MAP3K15: variants seen among roughly 807,000 people sequenced by gnomAD.
The protein encoded by MAP3K15 is MAPK/ERK kinase kinase 15.
A neutral mutation model predicts 99.5 loss-of-function variants in MAP3K15; 124 were observed. That is an observed-to-expected ratio of 1.25 (90% CI 1.08 to 1.45). The LOEUF (loss-of-function observed/expected upper bound fraction) is 1.45. Among genes scored for constraint, MAP3K15 ranks in the 40% most tolerant of loss-of-function variants. MAP3K15 has a pLI of 0.00. For missense variants in MAP3K15, 1,242 were observed against 1,079.7 expected (o/e 1.15, Z -2.11); for synonymous variants, 494 against 439.6 (o/e 1.12, Z -1.55).
chrX:19,403,100 A>T (rs2063620586), intron 13 of MAP3K15, among the ~76,000 whole-genome samples: 1 of 111,869 alleles, frequency 8.9e-6, no homozygotes, highest in African/African-American at 3.2e-5. Context: ...GAGGGAGTTT[A>T]ATGACTGTGA....
chrX:19,501,827 A>T (rs2064442622), intron 1 of MAP3K15, among the ~76,000 whole-genome samples: 1 of 111,964 alleles, frequency 8.9e-6, no homozygotes, highest in Non-Finnish European at 1.9e-5. Context: ...GCACTTTGGG[A>T]GGCTGAGGCA....
intron 9 of MAP3K15, among the ~76,000 whole-genome samples, chrX:19,421,862 C>T (rs1381611099): frequency 9.1e-6 from 1 of 109,511 alleles, no homozygotes; most frequent in Non-Finnish European, 1.9e-5. Flanking sequence ...ACAGAGCCCT[C>T]AGAAATAATG....
chrX:19,404,998 G>T (rs1225954111), intron 13 of MAP3K15, among the ~76,000 whole-genome samples: 2 of 111,221 alleles, frequency 1.8e-5, no homozygotes, highest in Non-Finnish European at 3.8e-5. Context: ...AATGACAAAA[G>T]AAATAAATAG....
chrX:19,414,601 A>G (rs1167898078), intron 10 of MAP3K15, among the ~76,000 whole-genome samples: 1 of 112,730 alleles, frequency 8.9e-6, no homozygotes, highest in East Asian at 2.8e-4. Flanking sequence ...ACTTTTAAAT[A>G]TCAATTAGTG....
At chrX:19,375,161 T>C (rs890868076) in intron 19 of MAP3K15, among the ~76,000 whole-genome samples, 1 of 112,381 alleles carries the variant, frequency 8.9e-6, no homozygotes, top group African/African-American at 3.2e-5. Flanking sequence ...GAAAAAGTCA[T>C]CGTTTTAAGC....
intron 13 of MAP3K15, among the ~76,000 whole-genome samples, chrX:19,405,779 ACCATATG>A (rs1434567006): frequency 8.9e-6 from 1 of 112,398 alleles, no homozygotes; most frequent in African/African-American, 3.2e-5. Context: ...AGAAAAAATA[ACCATATG>A]CATAGAGCGA....
At chrX:19,460,319 C>A (rs757668324) in intron 4 of MAP3K15, among the ~76,000 whole-genome samples, 166 bp from the exon 5 acceptor site, 1 of 111,584 alleles carries the variant, frequency 9.0e-6, no homozygotes, top group South Asian at 3.8e-4. Context: ...TCTACTTATT[C>A]ACATTTTATA....
chrX:19,413,172 C>CCA (rs1455714815), intron 11 of MAP3K15, among the ~76,000 whole-genome samples, 185 bp downstream of exon 11: 1 of 107,122 alleles, frequency 9.3e-6, no homozygotes, highest in Non-Finnish European at 1.9e-5. Context: ...CACCACATGC[C>CCA]CACACACACA....
intron 1 of MAP3K15, among the ~76,000 whole-genome samples, chrX:19,496,102 T>C (rs2064400097): frequency 9.5e-6 from 1 of 104,871 alleles, no homozygotes; most frequent in Non-Finnish European, 2.0e-5. Context: ...AGTCTTGCTC[T>C]GTTGCCCAGG....
chrX:19,476,006 C>G (rs1330386453), intron 3 of MAP3K15, among the ~76,000 whole-genome samples: 1 of 112,023 alleles, frequency 8.9e-6, no homozygotes, highest in Non-Finnish European at 1.9e-5. Context: ...TTATGGCTCA[C>G]AGCAGGTGGC....
At chrX:19,369,367 G>C (rs1466821266) in intron 24 of MAP3K15, 148 bp from the exon 25 acceptor site, 1 of 580,686 alleles carries the variant, frequency 1.7e-6, no homozygotes, top group Non-Finnish European at 2.7e-6. Context: ...TTTACAAATG[G>C]AGAAGAGACT....
At chrX:19,447,892 A>AAAAAAAAG (rs1325637101) in intron 6 of MAP3K15, among the ~76,000 whole-genome samples, 2 of 93,983 alleles carry the variant, frequency 2.1e-5, no homozygotes, top group Admixed American at 1.2e-4. Flanking sequence ...TCAAAAAAAA[A>AAAAAAAAG]AAAAAAAAAA....
Position 19,379,070 on chromosome X carries a change from T to TA in MAP3K15, c.2589+1049dup, listed in dbSNP as rs199725067. Reference sequence around the variant, plus strand: ...GGGGCTGGATTCTCCCTGTTGAAAATAAAGGGAAAGGACCCTCCCCCACCC... The same window carrying TA: ...GGGGCTGGATTCTCCCTGTTGAAAATAAAAGGGAAAGGACCCTCCCCCACCC... On this transcript the variant is annotated intron_variant, in intron 19 of 28. Transcript: ENST00000338883. 7.4e-3 allele frequency among the ~76,000 whole-genome samples: 822 copies of TA among 110,759 alleles called. 4 individuals are homozygous for TA. The highest frequency in any genetic ancestry group is 0.028 in the Middle Eastern group (6 of 211).
chrX:19,395,196 A>T lies in MAP3K15; in HGVS notation c.2079T>A (p.Pro693=). Residue 693 remains proline, a synonymous_variant, in exon 16 of 29, where the codon CCT becomes CCA. Transcript: ENST00000338883. ...IPERDSRYSQ[P]LHEEIALHKY... Reference sequence around the variant, plus strand: ...TGTGCAGGGCTATCTCCTCGTGCAGAGGCTGAGAATACCTATTGGGAAAAA... The same window carrying T: ...TGTGCAGGGCTATCTCCTCGTGCAGTGGCTGAGAATACCTATTGGGAAAAA... 3 of 1,207,178 alleles carry T rather than the reference A, an allele frequency of 2.5e-6. No homozygotes were observed. Among genetic ancestry groups the T allele is most frequent in the Non-Finnish European group, 3.4e-6 (3 of 892,689 alleles).
At chrX:19,511,622 C>T (rs1448753819) in intron 1 of MAP3K15, among the ~76,000 whole-genome samples, 2 of 111,605 alleles carry the variant, frequency 1.8e-5, no homozygotes, top group East Asian at 5.6e-4. Flanking sequence ...AATGAGATAC[C>T]ATCTCACGCC....
intron 3 of MAP3K15, among the ~76,000 whole-genome samples, chrX:19,474,070 C>A (rs965742602): frequency 2.7e-5 from 3 of 111,600 alleles, no homozygotes; most frequent in Non-Finnish European, 5.6e-5. Flanking sequence ...AGTAAAATTA[C>A]TAGAACAAAT....
chrX:19,427,636 T>C (rs1602300707), intron 7 of MAP3K15, among the ~76,000 whole-genome samples: 1 of 111,742 alleles, frequency 8.9e-6, no homozygotes. Flanking sequence ...ATTTCTGTTC[T>C]ATGAACGAGT....
intron 28 of MAP3K15, 112 bp from the exon 29 acceptor site, chrX:19,360,945 T>C (rs1414264580): frequency 3.7e-6 from 2 of 539,400 alleles, no homozygotes; most frequent in African/African-American, 4.6e-5. Flanking sequence ...TCCTCACATA[T>C]GGAGGTGACG....
chrX:19,452,356 G>GAAAGAGA (rs1458142095), intron 6 of MAP3K15, among the ~76,000 whole-genome samples: 1 of 40,573 alleles, frequency 2.5e-5, no homozygotes, highest in Non-Finnish European at 3.9e-5. Flanking sequence ...AAGAGAAAGA[G>GAAAGAGA]AAGAGAAGAG....
Sources: gnomAD v4.1 joint callset for allele counts (sites outside exome capture counted in the v4.1 genomes callset) on GRCh38, gnomAD v4.1.1 for gene constraint, MANE v1.5 for transcripts, NCBI Gene and HGNC (gene_info 2026-07-23, HGNC 2026-07-21) for gene names.